The following GALNT13 variants were observed in gnomAD, a reference collection of about 807,000 sequenced individuals.
The protein encoded by GALNT13 is UDP-GalNAc:polypeptide N-acetylgalactosaminyltransferase 13.
In GALNT13, 28 loss-of-function variants were observed where a neutral mutation model predicts 64.2. The ratio of observed to expected loss-of-function variants is 0.44; its 90% CI spans 0.32 to 0.60. The LOEUF (loss-of-function observed/expected upper bound fraction) is 0.60. GALNT13 is among the 20% of genes least tolerant of loss of function. The pLI, the probability that GALNT13 is intolerant of heterozygous loss-of-function variation, is 0.05. For missense variants in GALNT13, 577 were observed against 669.8 expected, an observed-to-expected ratio of 0.86 and a Z score of 1.53; for synonymous variants, 214 against 224.6, an observed-to-expected ratio of 0.95 and a Z score of 0.42.
the GALNT13 span, among the ~76,000 whole-genome samples, chr2:153,614,765 T>C: frequency 2.0e-5 from 3 of 152,106 alleles, no homozygotes; most frequent in Non-Finnish European, 4.4e-5. Flanking sequence ...GGGTACATAG[T>C]AGATATATAT....
intron 3 of GALNT13, among the ~76,000 whole-genome samples, chr2:154,070,067 T>C (rs181831726): frequency 2.6e-5 from 4 of 152,224 alleles, no homozygotes; most frequent in Admixed American, 6.5e-5. Context: ...TTCTTGAGGA[T>C]TGAAGAAATA....
chr2:153,075,103 G>A, the GALNT13 span, among the ~76,000 whole-genome samples: 138,098 of 152,162 alleles, frequency 0.91, 63,492 homozygotes, highest in East Asian at 1. Context: ...CGTTTTAGTA[G>A]TTTTGATAAC....
intron 10 of GALNT13, among the ~76,000 whole-genome samples, chr2:154,401,520 G>A (rs2194377): frequency 6.6e-6 from 1 of 152,152 alleles, no homozygotes; most frequent in East Asian, 1.9e-4. Context: ...ACCCTTTATT[G>A]GATGGCTACC....
chr2:154,025,046 C>T (rs987615287), intron 3 of GALNT13, among the ~76,000 whole-genome samples: 4 of 152,192 alleles, frequency 2.6e-5, no homozygotes, highest in Non-Finnish European at 5.9e-5. Context: ...CTGATCGTTC[C>T]TCTGGAAGTT....
chr2:153,613,388 A>C, the GALNT13 span, among the ~76,000 whole-genome samples: 2 of 152,112 alleles, frequency 1.3e-5, no homozygotes, highest in South Asian at 4.1e-4. Flanking sequence ...AGAGTTCCAT[A>C]AATATGTGCA....
chr2:153,579,391 A>G, the GALNT13 span, among the ~76,000 whole-genome samples: 1 of 152,176 alleles, frequency 6.6e-6, no homozygotes, highest in Non-Finnish European at 1.5e-5. Context: ...TTAAGCCATC[A>G]GTCGAACTGA....
chr2:154,456,070 G>T (rs1284042687), downstream of GALNT13, among the ~76,000 whole-genome samples: 4 of 151,714 alleles, frequency 2.6e-5, no homozygotes, highest in South Asian at 8.3e-4. Flanking sequence ...GCTGCTGCTT[G>T]GTTCCAGTTG....
At chr2:153,762,197 CA>C in the GALNT13 span, 1 of 135,204 alleles carries the variant, frequency 7.4e-6, no homozygotes, top group Admixed American at 7.4e-5. Flanking sequence ...GCAACTGGGA[CA>C]ACACTATACT....
chr2:153,464,905 T>C, the GALNT13 span, among the ~76,000 whole-genome samples: 22 of 152,242 alleles, frequency 1.4e-4, no homozygotes, highest in East Asian at 2.7e-3. Context: ...ATATAAACTA[T>C]ACAAGAAGTA....
chr2:153,923,875 A>C (rs564487441), intron 2 of GALNT13, among the ~76,000 whole-genome samples: 2 of 151,870 alleles, frequency 1.3e-5, no homozygotes, highest in African/African-American at 4.8e-5. Context: ...TGAACTCATC[A>C]TTTTTTATGG....
At chr2:153,165,046 A>G in the GALNT13 span, among the ~76,000 whole-genome samples, 1 of 152,208 alleles carries the variant, frequency 6.6e-6, no homozygotes, top group Non-Finnish European at 1.5e-5. Context: ...GTCAGTTTGA[A>G]TATCTTCTGA....
At chr2:153,104,887 TTTATTA>T in the GALNT13 span, among the ~76,000 whole-genome samples, 5 of 151,856 alleles carry the variant, frequency 3.3e-5, no homozygotes, top group African/African-American at 1.2e-4. Flanking sequence ...TTTTCTTTTT[TTTATTA>T]TTATTATTAT....
intron 2 of GALNT13, among the ~76,000 whole-genome samples, chr2:153,933,920 CCA>C (rs1690713785): frequency 6.6e-6 from 1 of 152,058 alleles, no homozygotes; most frequent in South Asian, 2.1e-4. Flanking sequence ...AATATAGGCC[CCA>C]CAGTCTCTTT....
At chr2:153,532,588 T>C in the GALNT13 span, among the ~76,000 whole-genome samples, 1 of 152,224 alleles carries the variant, frequency 6.6e-6, no homozygotes, top group African/African-American at 2.4e-5. Flanking sequence ...AATGGGCTTT[T>C]CTTTTCTACC....
At chr2:153,834,150 G>A in the GALNT13 span, among the ~76,000 whole-genome samples, 20 of 152,034 alleles carry the variant, frequency 1.3e-4, no homozygotes, top group African/African-American at 4.8e-4. Flanking sequence ...AGTTAGGCGG[G>A]TATATTTTCT....
chr2:154,109,084 G>C (rs1471825594), intron 3 of GALNT13, among the ~76,000 whole-genome samples: 1 of 152,030 alleles, frequency 6.6e-6, no homozygotes, highest in Non-Finnish European at 1.5e-5. Flanking sequence ...TATGATATTA[G>C]AATTTTGATA....
the GALNT13 span, among the ~76,000 whole-genome samples, chr2:153,668,632 G>T: frequency 0.031 from 4,737 of 152,196 alleles, 113 homozygotes; most frequent in Middle Eastern, 0.061. Flanking sequence ...TGGGAACCAA[G>T]CACAGGGCTA....
At chr2:153,815,303 G>C in the GALNT13 span, among the ~76,000 whole-genome samples, 2 of 152,056 alleles carry the variant, frequency 1.3e-5, no homozygotes, top group African/African-American at 4.8e-5. Flanking sequence ...TTTAAATTTT[G>C]TTCATACTTT....
At chr2:154,220,338 G>A (rs1051609217) in intron 4 of GALNT13, among the ~76,000 whole-genome samples, 2 of 152,064 alleles carry the variant, frequency 1.3e-5, no homozygotes, top group Admixed American at 6.6e-5. Flanking sequence ...GTAAATAGAT[G>A]TTAAGATTAG....
Sources: allele counts gnomAD v4.1 joint callset (sites outside exome capture counted in the v4.1 genomes callset), GRCh38; gene constraint gnomAD v4.1.1; transcripts MANE v1.5; gene names NCBI Gene and HGNC (gene_info 2026-07-23, HGNC 2026-07-21).